Variants in GRID2 observed in about 807,000 individuals in gnomAD.
GRID2 encodes glutamate receptor ionotropic, delta-2.
Under a neutral mutation model 114.8 loss-of-function variants are expected in GRID2, and 33 were observed. That is an observed-to-expected ratio of 0.29 (90% CI 0.22 to 0.38). GRID2 has a LOEUF of 0.38. Among genes scored for constraint, GRID2 ranks in the 10% least tolerant of loss-of-function variants. The pLI is 1.00. For synonymous variants in GRID2, 505 were observed against 449.9 expected, an observed-to-expected ratio of 1.12 and a Z score of -1.55; for missense variants, 1,184 against 1,257.7, an observed-to-expected ratio of 0.94 and a Z score of 0.89.
At position 92,539,041 on chromosome 4, in the gene GRID2, CAA is replaced by C. The variant is rs36120695; in HGVS notation, c.89-51074_89-51073del. Among the ~76,000 whole-genome samples the C allele has an allele frequency of 1.9e-3, 198 of 102,188 alleles. 1 individual carries two copies. Among genetic ancestry groups the C allele is most frequent in the Middle Eastern group, 5.8e-3 (1 of 172 alleles). 67.0% of individuals were successfully genotyped at this position (102,188 alleles called of 152,430 possible). On this transcript the variant is annotated intron_variant, in intron 1 of 15. Transcript: ENST00000282020. ...TGGGCGACAGAGCAAGACTCCATCT[CAA>C]AAAAAAAAAAAAAAAGTGTCTAATA...
At chr4:92,961,749 A>C (rs1033605917) in intron 2 of GRID2, among the ~76,000 whole-genome samples, 2 of 150,900 alleles carry the variant, frequency 1.3e-5, no homozygotes, top group Non-Finnish European at 3.0e-5. Flanking sequence ...GGGTGATTCA[A>C]ATATTTCTTC....
chr4:93,332,013 A>G (rs1758516418), intron 8 of GRID2, among the ~76,000 whole-genome samples: 1 of 152,136 alleles, frequency 6.6e-6, no homozygotes, highest in Admixed American at 6.6e-5. Flanking sequence ...CTTCAGGGTG[A>G]AAGCTAATTG....
chr4:92,505,279 A>T (rs1052577100), intron 1 of GRID2, among the ~76,000 whole-genome samples: 9 of 152,080 alleles, frequency 5.9e-5, no homozygotes, highest in African/African-American at 1.9e-4. Flanking sequence ...AATGCTGTCC[A>T]TAACTTTTTA....
intron 2 of GRID2, among the ~76,000 whole-genome samples, chr4:93,022,561 G>A (rs770383807): frequency 4.0e-5 from 6 of 151,864 alleles, no homozygotes; most frequent in Non-Finnish European, 8.8e-5. Flanking sequence ...CCTAGTTAAA[G>A]AAACTACATT....
At chr4:92,664,612 G>T (rs1444885973) in intron 2 of GRID2, among the ~76,000 whole-genome samples, 1 of 150,964 alleles carries the variant, frequency 6.6e-6, no homozygotes, top group Non-Finnish European at 1.5e-5. Context: ...CTGTCTGGTT[G>T]TTCTCTTCAT....
At chr4:92,768,381 T>C (rs1738370985) in intron 2 of GRID2, among the ~76,000 whole-genome samples, 1 of 152,210 alleles carries the variant, frequency 6.6e-6, no homozygotes, top group Admixed American at 6.5e-5. Context: ...GTGACCTTAA[T>C]GCCACATGGT....
intron 2 of GRID2, among the ~76,000 whole-genome samples, chr4:93,013,655 T>C (rs1722404715): frequency 6.6e-6 from 1 of 152,060 alleles, no homozygotes; most frequent in Admixed American, 6.6e-5. Flanking sequence ...TCACCACTAA[T>C]TCATACTTTG....
intron 8 of GRID2, among the ~76,000 whole-genome samples, chr4:93,277,096 G>C (rs1237310237): frequency 6.6e-6 from 1 of 151,826 alleles, no homozygotes; most frequent in Non-Finnish European, 1.5e-5. Context: ...TCCCATAGTT[G>C]ATGCATAATA....
At chr4:92,542,191 A>G (rs983444689) in intron 1 of GRID2, among the ~76,000 whole-genome samples, 4 of 152,080 alleles carry the variant, frequency 2.6e-5, no homozygotes, top group Non-Finnish European at 5.9e-5. Flanking sequence ...TGAGTATACT[A>G]TTTATTCTCT....
At chr4:92,332,537 T>C (rs1287641444) in intron 1 of GRID2, among the ~76,000 whole-genome samples, 1 of 152,158 alleles carries the variant, frequency 6.6e-6, no homozygotes, top group Non-Finnish European at 1.5e-5. Context: ...ATTCATTTCA[T>C]CCTATAGTCC....
chr4:93,421,549 T>A (rs1768288513), intron 9 of GRID2, among the ~76,000 whole-genome samples: 1 of 152,112 alleles, frequency 6.6e-6, no homozygotes, highest in South Asian at 2.1e-4. Context: ...TAGATGAACA[T>A]CAAACTTAGT....
At chr4:92,502,116 TAAAAGAC>T (rs1263422697) in intron 1 of GRID2, among the ~76,000 whole-genome samples, 2 of 152,074 alleles carry the variant, frequency 1.3e-5, no homozygotes, top group Non-Finnish European at 2.9e-5. Context: ...TTTAAAAAAA[TAAAAGAC>T]TAAAAACCAA....
intron 1 of GRID2, among the ~76,000 whole-genome samples, chr4:93,788,279 T>C (rs924308945): frequency 1.3e-5 from 2 of 151,708 alleles, no homozygotes; most frequent in Admixed American, 1.3e-4. Context: ...GATCACACCA[T>C]TGCACTCCAG....
intron 2 of GRID2, among the ~76,000 whole-genome samples, chr4:92,902,326 TTC>T (rs1747639413): frequency 1.3e-5 from 2 of 152,184 alleles, no homozygotes; most frequent in African/African-American, 4.8e-5. Context: ...TATTTGAATC[TTC>T]TCTCATTGTT....
intron 14 of GRID2, among the ~76,000 whole-genome samples, chr4:93,686,603 G>T (rs1422510609): frequency 6.6e-6 from 1 of 151,982 alleles, no homozygotes; most frequent in Admixed American, 6.6e-5. Context: ...GTTGTGGATT[G>T]GGGTGGGATG....
intron 1 of GRID2, among the ~76,000 whole-genome samples, chr4:92,368,088 G>T (rs1374845386): frequency 6.6e-6 from 1 of 152,094 alleles, no homozygotes; most frequent in East Asian, 1.9e-4. Flanking sequence ...ATGAGAAAGT[G>T]GGGTCTTGGG....
chr4:92,989,427 G>A (rs1020011560), intron 2 of GRID2, among the ~76,000 whole-genome samples: 3 of 151,206 alleles, frequency 2.0e-5, no homozygotes, highest in African/African-American at 7.3e-5. Context: ...AGAATGAGAG[G>A]GACATGAAGT....
At chr4:92,808,421 A>T (rs114452496) in intron 2 of GRID2, among the ~76,000 whole-genome samples, 161 of 152,182 alleles carry the variant, frequency 1.1e-3, no homozygotes, top group African/African-American at 3.6e-3. Context: ...CAGTCATAAG[A>T]TCAGCATATA....
At chr4:93,580,514 T>G (rs1459628582) in intron 13 of GRID2, among the ~76,000 whole-genome samples, 10 of 152,196 alleles carry the variant, frequency 6.6e-5, no homozygotes, top group Admixed American at 6.5e-4. Flanking sequence ...ACAAGATAGC[T>G]ATGAAAGTTG....
Sources: gnomAD v4.1 joint callset for allele counts (sites outside exome capture counted in the v4.1 genomes callset) on GRCh38, gnomAD v4.1.1 for gene constraint, MANE v1.5 for transcripts, NCBI Gene and HGNC (gene_info 2026-07-23, HGNC 2026-07-21) for gene names.